CD300A: variants seen among roughly 807,000 people sequenced by gnomAD.
CD300A encodes the protein CMRF35-like molecule 8.
CD300A carries 22 observed loss-of-function variants against 33.6 expected under a neutral mutation model. That is an observed-to-expected ratio of 0.66 (90% CI 0.47 to 0.94). The LOEUF (loss-of-function observed/expected upper bound fraction) is 0.94, where lower values mean the gene tolerates loss of function less well. CD300A is among the 40% of genes least tolerant of loss of function. The pLI is 0.00. For missense variants in CD300A, 326 were observed against 360.5 expected (o/e 0.90, Z 0.77); for synonymous variants, 136 against 148.1 (o/e 0.92, Z 0.59).
At chr17:74,479,760 C>T (rs781360072) in intron 4 of CD300A, among the ~76,000 whole-genome samples, 22 of 152,096 alleles carry the variant, frequency 1.4e-4, no homozygotes, top group Admixed American at 8.5e-4. Context: ...AAGTCCGTGC[C>T]CCATCCCCTG....
intron 4 of CD300A, among the ~76,000 whole-genome samples, chr17:74,479,859 C>G (rs985554124): frequency 1.3e-5 from 2 of 152,120 alleles, no homozygotes; most frequent in Non-Finnish European, 2.9e-5. Context: ...TCCCCCAGCC[C>G]ACATTTGTCG....
intron 6 of CD300A, 131 bp downstream of exon 6, chr17:74,481,964 G>A: frequency 1.5e-6 from 1 of 648,808 alleles, no homozygotes; most frequent in South Asian, 1.8e-5. Flanking sequence ...AGGGCCACAT[G>A]GAGATGGAGC....
chr17:74,469,726 G>T (rs1905968063), intron 1 of CD300A, among the ~76,000 whole-genome samples: 1 of 152,160 alleles, frequency 6.6e-6, no homozygotes, highest in Non-Finnish European at 1.5e-5. Context: ...TCGGGAGGCT[G>T]AGACATGAGA....
intron 4 of CD300A, among the ~76,000 whole-genome samples, chr17:74,478,801 C>T (rs546411561): frequency 6.6e-6 from 1 of 152,352 alleles, no homozygotes; most frequent in East Asian, 1.9e-4. Context: ...CACATATCCC[C>T]AGTGCCTCCT....
intron 1 of CD300A, among the ~76,000 whole-genome samples, chr17:74,471,177 G>A (rs750824066): frequency 5.3e-5 from 8 of 152,186 alleles, no homozygotes; most frequent in Non-Finnish European, 8.8e-5. Flanking sequence ...TACTTATTAA[G>A]TACTTAATAT....
intron 5 of CD300A, 74 bp downstream of exon 5, chr17:74,481,400 TCC>T: frequency 7.2e-7 from 1 of 1,392,860 alleles, no homozygotes. Flanking sequence ...AGTTGGACAG[TCC>T]CATCGGCCAA....
rs770677613 is a variant in CD300A at position 74,473,854 on chromosome 17, T to C, written c.359T>C (p.Val120Ala). ...GACTTTCATGATCCCGTTGTCGAGG[T>C]TGAGGTGTCCGTGTTCCCGGGTGAG... is the stretch of plus-strand genomic sequence containing the variant. ...LRDFHDPVVE[V>A]EVSVFPASTS... The change falls in exon 2 of 7, where the codon GTT becomes GCT. Residue 120 changes from valine to alanine, a missense_variant. Physicochemically the swap from Val to Ala is moderately conservative, Grantham distance 64. Coordinates refer to ENST00000360141, the MANE Select transcript of CD300A (RefSeq NM_007261.4). 2 of 1,611,064 alleles carry C rather than the reference T, an allele frequency of 1.2e-6. No individual in the cohort carries two copies. The highest frequency in any genetic ancestry group is 3.3e-5 in the Admixed American group (2 of 59,974).
chr17:74,467,986 G>A (rs778424738), intron 1 of CD300A, among the ~76,000 whole-genome samples: 1 of 151,456 alleles, frequency 6.6e-6, no homozygotes, highest in Non-Finnish European at 1.5e-5. Context: ...ATCCACCAAT[G>A]ACTATTCACA....
At chr17:74,478,185 A>G (rs552930371) in intron 4 of CD300A, among the ~76,000 whole-genome samples, 28 of 152,270 alleles carry the variant, frequency 1.8e-4, no homozygotes, top group African/African-American at 6.0e-4. Context: ...GTGGACTCCA[A>G]CAGTGGTCCT....
At chr17:74,482,956 T>C (rs1402102488) in intron 6 of CD300A, among the ~76,000 whole-genome samples, 5 of 151,770 alleles carry the variant, frequency 3.3e-5, no homozygotes, top group African/African-American at 9.7e-5. Flanking sequence ...GTGATCCGCC[T>C]GCCCTGACTT....
At chr17:74,471,356 A>G (rs1567978348) in intron 1 of CD300A, among the ~76,000 whole-genome samples, 1 of 152,044 alleles carries the variant, frequency 6.6e-6, no homozygotes, top group East Asian at 1.9e-4. Flanking sequence ...ATCTATTTTT[A>G]TTAGCTGGAG....
chr17:74,470,172 A>G (rs1906000420), intron 1 of CD300A: 3 of 985,324 alleles, frequency 3.0e-6, no homozygotes, highest in Non-Finnish European at 3.6e-6. Context: ...TGGGGTGGTG[A>G]TTCAGGTTGG....
intron 6 of CD300A, among the ~76,000 whole-genome samples, chr17:74,483,751 C>T (rs1338959367): frequency 2.0e-5 from 3 of 152,208 alleles, no homozygotes; most frequent in Admixed American, 6.5e-5. Flanking sequence ...ATGGACCAGG[C>T]TGGGTCAGCC....
intron 1 of CD300A, among the ~76,000 whole-genome samples, chr17:74,471,246 T>A (rs975405722): frequency 6.6e-6 from 1 of 152,246 alleles, no homozygotes; most frequent in Non-Finnish European, 1.5e-5. Flanking sequence ...AGTTTATGAA[T>A]TTTATGTAGA....
Position 74,480,816 on chromosome 17 carries a change from C to T in CD300A, c.629-473C>T, listed in dbSNP as rs1906791062. ...AGGCTGGAGTGCAGTGGCATGATCT[C>T]AGCTCACTGCAACCTCCGTCTCCCA... On this transcript the variant is annotated intron_variant, in intron 4 of 6. Coordinates refer to ENST00000360141, the MANE Select transcript of CD300A (RefSeq NM_007261.4). The surrounding 1 kb of genome is among the most constrained non-coding windows in gnomAD (Gnocchi z 4.2). 6.6e-6 allele frequency among the ~76,000 whole-genome samples: 1 copy of T among 152,144 alleles called. No individual in the cohort carries two copies. The highest frequency in any genetic ancestry group is 2.1e-4 in the South Asian group (1 of 4,826).
intron 1 of CD300A, chr17:74,469,865 A>G: frequency 1.4e-6 from 1 of 692,478 alleles, no homozygotes; most frequent in Non-Finnish European, 1.8e-6. Flanking sequence ...TACCCCTTAC[A>G]AAAAAATCCA....
chr17:74,475,752 T>C (rs1906419250), intron 3 of CD300A, among the ~76,000 whole-genome samples: 1 of 152,176 alleles, frequency 6.6e-6, no homozygotes, highest in Non-Finnish European at 1.5e-5. Context: ...CTGATTTAGA[T>C]GCCAGTCGAA....
Position 74,484,313 on chromosome 17 carries a change from G to A in CD300A, c.*187G>A, listed in dbSNP as rs1312848223. The A allele has an allele frequency of 5.4e-6, 3 of 553,800 alleles. No homozygotes were observed. Among genetic ancestry groups the A allele is most frequent in the Non-Finnish European group, 9.4e-6 (3 of 318,312 alleles). The allele number at this position is 553,800 out of a possible 1,614,324, so 34.3% of individuals were successfully genotyped here. ...GATTGGCTTCCCCGAGGGCCAGCAG[G>A]GCTGGGGGCTCCGGAGAGCAGCAGG... On this transcript the variant is annotated 3_prime_UTR_variant, in exon 7 of 7. Coordinates refer to ENST00000360141, the MANE Select transcript of CD300A (RefSeq NM_007261.4).
At chr17:74,466,385 G>C (rs911452862), upstream of CD300A, 1 of 324,744 alleles carries the variant, frequency 3.1e-6, no homozygotes. Context: ...AGGAGACCCG[G>C]GGAAGTGAGA....
Sources: gnomAD v4.1 joint callset for allele counts (sites outside exome capture counted in the v4.1 genomes callset) on GRCh38, gnomAD v4.1.1 for gene constraint, Gnocchi (gnomAD v3.1) non-coding constraint, MANE v1.5 for transcripts, NCBI Gene and HGNC (gene_info 2026-07-23, HGNC 2026-07-21) for gene names.